The following ELAPOR2 variants were observed in gnomAD, a reference collection of about 807,000 sequenced individuals.
ELAPOR2 encodes endosome-lysosome associated apoptosis and autophagy regulator family member 2, also known as endosome/lysosome-associated apoptosis and autophagy regulator family member 2.
A neutral mutation model predicts 120.7 loss-of-function variants in ELAPOR2; 89 were observed. The observed-to-expected ratio is 0.74, with a 90% CI of 0.62 to 0.88. The LOEUF is 0.88. Among genes scored for constraint, ELAPOR2 ranks in the 40% least tolerant of loss-of-function variants. The probability of loss-of-function intolerance (pLI) is 0.00; values close to 1 mark genes in which losing one functional copy is unlikely to be tolerated. For synonymous variants in ELAPOR2, 444 were observed against 444.9 expected (o/e 1.00, Z 0.03); for missense variants, 1,134 against 1,251.6 (o/e 0.91, Z 1.42).
intron 10 of ELAPOR2, among the ~76,000 whole-genome samples, chr7:86,924,903 T>C (rs1451697535): frequency 1.3e-5 from 2 of 152,086 alleles, no homozygotes; most frequent in Non-Finnish European, 2.9e-5. Context: ...AGGTCTGGTA[T>C]ATACAATACC....
intron 2 of ELAPOR2, among the ~76,000 whole-genome samples, chr7:86,952,210 A>T (rs1262385039): frequency 1.3e-5 from 2 of 152,352 alleles, no homozygotes; most frequent in Middle Eastern, 3.4e-3. Context: ...TTTAGCAAGT[A>T]GTCAAATTTG....
chr7:86,950,712 G>A (rs1791209618), intron 2 of ELAPOR2, among the ~76,000 whole-genome samples: 2 of 152,220 alleles, frequency 1.3e-5, no homozygotes, highest in Admixed American at 1.3e-4. Flanking sequence ...CCCTTGGCCA[G>A]CGTGGGACCC....
chr7:86,986,570 A>G (rs1792748609), intron 1 of ELAPOR2, among the ~76,000 whole-genome samples: 1 of 151,018 alleles, frequency 6.6e-6, no homozygotes, highest in Admixed American at 6.6e-5. Flanking sequence ...ACAAACAGAC[A>G]AATCATGAGT....
intron 11 of ELAPOR2, 85 bp from the exon 12 acceptor site, chr7:86,918,629 T>G (rs532372541): frequency 1.4e-4 from 120 of 840,984 alleles, no homozygotes; most frequent in Non-Finnish European, 2.1e-4. Context: ...TTTATTAAAC[T>G]AAAAGCCATG....
At chr7:86,954,037 A>C (rs997975960) in intron 2 of ELAPOR2, among the ~76,000 whole-genome samples, 1 of 152,228 alleles carries the variant, frequency 6.6e-6, no homozygotes, top group Non-Finnish European at 1.5e-5. Context: ...AGGTGTGAAT[A>C]ATCAGATACG....
At chr7:86,938,622 A>G (rs961668645) in intron 7 of ELAPOR2, among the ~76,000 whole-genome samples, 186 bp downstream of exon 7, 1 of 152,086 alleles carries the variant, frequency 6.6e-6, no homozygotes, top group Non-Finnish European at 1.5e-5. Context: ...TCACAGACCT[A>G]TACTGGGGAA....
At chr7:86,974,290 T>C (rs1792200260) in intron 1 of ELAPOR2, among the ~76,000 whole-genome samples, 1 of 152,100 alleles carries the variant, frequency 6.6e-6, no homozygotes, top group African/African-American at 2.4e-5. Context: ...AGAAACTACA[T>C]CAAAATTTCC....
chr7:86,958,358 T>A (rs939856821), intron 2 of ELAPOR2, among the ~76,000 whole-genome samples: 1 of 152,258 alleles, frequency 6.6e-6, no homozygotes, highest in African/African-American at 2.4e-5. Context: ...ATACCTGGCA[T>A]ATAGCAAGTA....
intron 3 of ELAPOR2, among the ~76,000 whole-genome samples, chr7:86,945,319 C>A (rs899237866): frequency 6.6e-6 from 1 of 152,126 alleles, no homozygotes; most frequent in African/African-American, 2.4e-5. Flanking sequence ...TAGATGATAA[C>A]TAATTTTAGT....
intron 10 of ELAPOR2, among the ~76,000 whole-genome samples, chr7:86,923,187 G>A (rs28410495): frequency 0.095 from 14,370 of 151,738 alleles, 777 homozygotes; most frequent in African/African-American, 0.13. Flanking sequence ...GTTAATGGGC[G>A]CAAAAATACA....
Position 86,974,783 on chromosome 7 carries a change from T to TA in ELAPOR2, c.190-9760dup, listed in dbSNP as rs200333446. ...TTCAGTTAACTGCTTTGCCAAGACA[T>TA]AAAAAAAAATTCATATTTCTCCTTA... On this transcript the variant is annotated intron_variant, in intron 1 of 21. Transcript: ENST00000450689. Among the ~76,000 whole-genome samples, 852 of 151,606 alleles carry TA rather than the reference T, an allele frequency of 5.6e-3. 4 individuals carry two copies. The highest frequency in any genetic ancestry group is 0.017 in the Middle Eastern group (5 of 294).
intron 12 of ELAPOR2, among the ~76,000 whole-genome samples, chr7:86,917,770 TTAA>T (rs1459211869): frequency 6.6e-6 from 1 of 152,064 alleles, no homozygotes; most frequent in East Asian, 1.9e-4. Context: ...GAGAAAACTG[TTAA>T]TAAACTGTTA....
intron 1 of ELAPOR2, among the ~76,000 whole-genome samples, chr7:87,010,545 G>GT (rs1157002816): frequency 3.3e-5 from 5 of 152,260 alleles, no homozygotes. Context: ...AATTTCTATT[G>GT]TTTTTTAGAG....
intron 2 of ELAPOR2, among the ~76,000 whole-genome samples, chr7:86,961,367 A>G (rs1176111123): frequency 6.6e-6 from 1 of 152,236 alleles, no homozygotes; most frequent in Non-Finnish European, 1.5e-5. Flanking sequence ...ATTTTAAAGA[A>G]TAAGCAATTG....
intron 1 of ELAPOR2, among the ~76,000 whole-genome samples, chr7:87,004,521 A>T (rs1261394898): frequency 6.6e-6 from 1 of 152,186 alleles, no homozygotes; most frequent in Non-Finnish European, 1.5e-5. Context: ...TGTCTTTGAC[A>T]GGCTGTTGTA....
At chr7:86,926,055 C>A (rs2116227054) in intron 9 of ELAPOR2, among the ~76,000 whole-genome samples, 1 of 152,080 alleles carries the variant, frequency 6.6e-6, no homozygotes, top group South Asian at 2.1e-4. Flanking sequence ...AGAAAGATTT[C>A]ACTCTTCCTA....
At chr7:87,020,532 C>G (rs1362060804) in intron 1 of ELAPOR2, among the ~76,000 whole-genome samples, 1 of 151,928 alleles carries the variant, frequency 6.6e-6, no homozygotes, top group African/African-American at 2.4e-5. Flanking sequence ...GTAACATATT[C>G]CAGAATTACA....
chr7:86,984,768 TA>T (rs1418554486), intron 1 of ELAPOR2, among the ~76,000 whole-genome samples: 1 of 151,812 alleles, frequency 6.6e-6, no homozygotes, highest in African/African-American at 2.4e-5. Context: ...ACATAACAAT[TA>T]AAAGAACTAG....
At chr7:86,924,642 G>A (rs1018093857) in intron 10 of ELAPOR2, among the ~76,000 whole-genome samples, 1 of 151,712 alleles carries the variant, frequency 6.6e-6, no homozygotes, top group Admixed American at 6.6e-5. Context: ...ATATACTGAG[G>A]CTTTGTCTTT....
Sources: gnomAD v4.1 joint callset for allele counts (sites outside exome capture counted in the v4.1 genomes callset) on GRCh38, gnomAD v4.1.1 for gene constraint, MANE v1.5 for transcripts, NCBI Gene and HGNC (gene_info 2026-07-23, HGNC 2026-07-21) for gene names.